RAB3C: variants seen among roughly 807,000 people sequenced by gnomAD.
RAB3C encodes RAB3C, member RAS oncogene family, also known as ras-related protein Rab-3C.
In RAB3C, 17 loss-of-function variants were observed where a neutral mutation model predicts 26.4. The ratio of observed to expected loss-of-function variants is 0.64; its 90% CI spans 0.44 to 0.97. The LOEUF (loss-of-function observed/expected upper bound fraction) is 0.97. Among genes scored for constraint, RAB3C ranks in the 50% least tolerant of loss-of-function variants. The pLI, the probability that RAB3C is intolerant of heterozygous loss-of-function variation, is 0.00. For missense variants in RAB3C, 242 were observed against 281.9 expected, an observed-to-expected ratio of 0.86 and a Z score of 1.01; for synonymous variants, 91 against 95.9, an observed-to-expected ratio of 0.95 and a Z score of 0.30.
chr5:58,695,199 G>T (rs1367380735), intron 2 of RAB3C, among the ~76,000 whole-genome samples: 1 of 151,308 alleles, frequency 6.6e-6, no homozygotes, highest in East Asian at 1.9e-4. Flanking sequence ...TCCATTTCTT[G>T]TTTTTGTCAG....
intron 2 of RAB3C, among the ~76,000 whole-genome samples, chr5:58,663,413 A>G (rs1389439945): frequency 6.7e-6 from 1 of 150,290 alleles, no homozygotes; most frequent in African/African-American, 2.5e-5. Context: ...CTGTCCTGTA[A>G]ACACATTTCA....
At chr5:58,613,501 G>A (rs115417969) in intron 1 of RAB3C, among the ~76,000 whole-genome samples, 144 of 152,118 alleles carry the variant, frequency 9.5e-4, no homozygotes, top group African/African-American at 3.3e-3. Context: ...TTTTGATGAA[G>A]GGATTGTCAG....
At position 58,588,950 on chromosome 5, in the gene RAB3C, C is replaced by T. The variant is rs567617471; in HGVS notation, c.24+5718C>T. On this transcript the variant is annotated intron_variant, in intron 1 of 4. Transcript: ENST00000282878. ...AACAACCAGTACAATGTTGAATAGA[C>T]GTGATGACAGCGGACATCCTTATCT... is the stretch of plus-strand genomic sequence containing the variant. Among the ~76,000 whole-genome samples the T allele has an allele frequency of 5.8e-4, 88 of 152,188 alleles. No homozygotes were observed. In the South Asian group the frequency reaches 0.01, roughly 18 times the overall value.
chr5:58,738,159 G>A (rs1046291377), intron 3 of RAB3C, among the ~76,000 whole-genome samples: 1 of 152,114 alleles, frequency 6.6e-6, no homozygotes, highest in African/African-American at 2.4e-5. Flanking sequence ...TTAGTTTCCA[G>A]TCAGGGTTCT....
intron 3 of RAB3C, among the ~76,000 whole-genome samples, chr5:58,811,301 T>C (rs1188898381): frequency 1.3e-5 from 2 of 152,200 alleles, no homozygotes; most frequent in African/African-American, 4.8e-5. Context: ...CTCTTTGCTC[T>C]GGCTCATTTG....
chr5:58,696,560 T>G (rs1023481756), intron 2 of RAB3C, among the ~76,000 whole-genome samples: 6 of 152,168 alleles, frequency 3.9e-5, no homozygotes, highest in Admixed American at 2.0e-4. Context: ...CTGGACTCTT[T>G]TTGTTTGGTA....
intron 3 of RAB3C, among the ~76,000 whole-genome samples, chr5:58,781,024 T>C (rs1742258396): frequency 6.6e-6 from 1 of 152,096 alleles, no homozygotes; most frequent in African/African-American, 2.4e-5. Context: ...ATTCCATATG[T>C]GTTTTGTTTT....
chr5:58,768,972 A>G (rs1741967987), intron 3 of RAB3C, among the ~76,000 whole-genome samples: 1 of 152,200 alleles, frequency 6.6e-6, no homozygotes. Context: ...TTGAACCTAC[A>G]CAAGATGTGG....
intron 2 of RAB3C, among the ~76,000 whole-genome samples, chr5:58,692,358 G>GAA (rs11407657): frequency 5.9e-5 from 9 of 151,786 alleles, no homozygotes; most frequent in South Asian, 2.1e-4. Context: ...ATAATGTTCA[G>GAA]AAAAAAAAGA....
intron 4 of RAB3C, among the ~76,000 whole-genome samples, chr5:58,825,809 A>G (rs1012998529): frequency 4.6e-5 from 7 of 152,198 alleles, no homozygotes; most frequent in African/African-American, 1.7e-4. Flanking sequence ...AAGGGTAGAG[A>G]TTTAATACAA....
intron 3 of RAB3C, among the ~76,000 whole-genome samples, chr5:58,748,972 G>A (rs1477852103): frequency 6.6e-5 from 10 of 152,056 alleles, no homozygotes; most frequent in Non-Finnish European, 1.3e-4. Flanking sequence ...GGTGCAGAAT[G>A]AGGCCATATA....
chr5:58,756,719 C>T (rs292956), intron 3 of RAB3C, among the ~76,000 whole-genome samples: 83,790 of 125,334 alleles, frequency 0.67, 28,283 homozygotes, highest in Middle Eastern at 0.75. Context: ...CCTGTGTTAG[C>T]TTGCTGAGGA....
intron 4 of RAB3C, among the ~76,000 whole-genome samples, chr5:58,826,769 A>T (rs1460178269): frequency 6.6e-6 from 1 of 152,264 alleles, no homozygotes; most frequent in East Asian, 1.9e-4. Context: ...ATGTGTCTCA[A>T]TCTATAATTT....
intron 2 of RAB3C, among the ~76,000 whole-genome samples, chr5:58,622,600 G>A (rs1426318122): frequency 3.3e-5 from 5 of 152,046 alleles, no homozygotes; most frequent in Non-Finnish European, 7.3e-5. Context: ...CATTGAGTCA[G>A]GAAAAGATCT....
chr5:58,779,312 T>A (rs945944615), intron 3 of RAB3C, among the ~76,000 whole-genome samples: 2 of 150,132 alleles, frequency 1.3e-5, no homozygotes, highest in African/African-American at 4.9e-5. Flanking sequence ...TCATTATAGA[T>A]GGTTGGAAAT....
chr5:58,609,132 G>C (rs1579814528), intron 1 of RAB3C, among the ~76,000 whole-genome samples: 1 of 152,078 alleles, frequency 6.6e-6, no homozygotes. Context: ...TGGCACATGT[G>C]TACCTATGTA....
At chr5:58,721,168 C>T (rs1389366612) in intron 2 of RAB3C, among the ~76,000 whole-genome samples, 1 of 149,562 alleles carries the variant, frequency 6.7e-6, no homozygotes, top group Non-Finnish European at 1.5e-5. Context: ...GTTAATCAAA[C>T]TTGCCATTAA....
intron 4 of RAB3C, among the ~76,000 whole-genome samples, chr5:58,827,845 C>T (rs937138264): frequency 2.0e-5 from 3 of 152,150 alleles, no homozygotes; most frequent in Non-Finnish European, 4.4e-5. Context: ...AATGCTCTCA[C>T]AATTTAAATT....
intron 3 of RAB3C, among the ~76,000 whole-genome samples, chr5:58,752,878 AAT>A (rs10583407): frequency 0.015 from 2,309 of 152,304 alleles, 47 homozygotes; most frequent in African/African-American, 0.052. Flanking sequence ...CCAATCTCAA[AAT>A]AGTTATTGAT....
Sources: allele counts gnomAD v4.1 joint callset (sites outside exome capture counted in the v4.1 genomes callset), GRCh38; gene constraint gnomAD v4.1.1; transcripts MANE v1.5; gene names NCBI Gene and HGNC (gene_info 2026-07-23, HGNC 2026-07-21).